MMP17: variants seen among roughly 807,000 people sequenced by gnomAD.
MMP17 encodes the protein matrix metalloproteinase-17.
MMP17 carries 54 observed loss-of-function variants against 49.1 expected under a neutral mutation model. That is an observed-to-expected ratio of 1.10 (90% CI 0.88 to 1.38). The LOEUF (loss-of-function observed/expected upper bound fraction) is 1.38. Ranked by LOEUF, MMP17 falls within the 40% of genes most tolerant of loss-of-function variation. The probability of loss-of-function intolerance (pLI) is 0.00; values close to 1 mark genes in which losing one functional copy is unlikely to be tolerated. For synonymous variants in MMP17, 397 were observed against 383.1 expected, an observed-to-expected ratio of 1.04 and a Z score of -0.42; for missense variants, 837 against 853.7, an observed-to-expected ratio of 0.98 and a Z score of 0.24.
chr12:131,844,937 G>GTATCATT, intron 6 of MMP17, 181 bp from the exon 7 acceptor site: 1 of 411,064 alleles, frequency 2.4e-6, no homozygotes, highest in Non-Finnish European at 4.2e-6. Flanking sequence ...GCCCCCGCCC[G>GTATCATT]CTGAAGCGGT....
In MMP17 at chr12:131,851,583, G is replaced by A. The variant is rs1021472384; in HGVS notation, c.*309G>A. 3 of 335,234 alleles carry A rather than the reference G, an allele frequency of 8.9e-6. No individual in the cohort carries two copies. The highest frequency in any genetic ancestry group is 1.6e-5 in the Non-Finnish European group (3 of 184,784). 20.8% of individuals were successfully genotyped at this position (335,234 alleles called of 1,614,324 possible). On this transcript the variant is annotated 3_prime_UTR_variant, in exon 10 of 10. Transcript: ENST00000360564. The stretch of plus-strand genomic sequence containing the variant: ...CTGGAGGGAGCATCTCGGGCTGGGG[G>A]CCCACCCCTCTCTGTGCCGGCGCCA...
intron 1 of MMP17, 130 bp from the exon 2 acceptor site, chr12:131,838,065 G>A: frequency 8.5e-7 from 1 of 1,175,922 alleles, no homozygotes; most frequent in Non-Finnish European, 1.2e-6. Flanking sequence ...GAAGAGACAA[G>A]AGGTGCCTTG....
intron 8 of MMP17, among the ~76,000 whole-genome samples, chr12:131,847,822 C>T (rs1353107004): frequency 2.0e-5 from 3 of 152,214 alleles, no homozygotes; most frequent in Non-Finnish European, 4.4e-5. Context: ...GGTCACCTGC[C>T]AGGAGAGACT....
At position 131,844,071 on chromosome 12, in the gene MMP17, T is replaced by A; in HGVS notation, c.958T>A (p.Ser320Thr). ...PLLPEPPDNRSSAPPRKDVPH... is the reference protein window; with the variant it reads ...PLLPEPPDNRTSAPPRKDVPH... ...GCTGCCGGAGCCCCCAGACAACCGGTCCAGCGCCCCGTAAGCCCTGGGCCC... is the reference window on the plus strand; with the variant it reads ...GCTGCCGGAGCCCCCAGACAACCGGACCAGCGCCCCGTAAGCCCTGGGCCC... Residue 320 changes from serine (S) to threonine (T), a missense_variant, in exon 6 of 10, where the codon TCC (serine) becomes ACC (threonine). Coordinates refer to ENST00000360564, the MANE Select transcript of MMP17 (RefSeq NM_016155.7). 1.3e-6 allele frequency: 2 copies of A among 1,561,108 alleles called. No homozygotes were observed. Among genetic ancestry groups the A allele is most frequent in the South Asian group, 2.3e-5 (2 of 85,352 alleles).
chr12:131,830,520 C>T (rs1183224374), intron 1 of MMP17, among the ~76,000 whole-genome samples: 1 of 152,250 alleles, frequency 6.6e-6, no homozygotes, highest in Non-Finnish European at 1.5e-5. Flanking sequence ...CCTCTGCTGG[C>T]CCTCGGGGAA....
At chr12:131,833,222 A>C (rs112222406) in intron 1 of MMP17, among the ~76,000 whole-genome samples, 2 of 152,374 alleles carry the variant, frequency 1.3e-5, no homozygotes, top group Non-Finnish European at 2.9e-5. Context: ...GCAGTGCCTG[A>C]GGGACATGGG....
In MMP17 at chr12:131,840,742, T is replaced by C. The variant is rs760785478; in HGVS notation, c.592T>C (p.Tyr198His). The change falls in exon 4 of 10, where the codon TAC becomes CAC. Residue 198 changes from tyrosine (Y) to histidine (H), a missense_variant. Physicochemically the swap from Tyr to His is moderately conservative, Grantham distance 83. Coordinates refer to ENST00000360564, the MANE Select transcript of MMP17 (RefSeq NM_016155.7). Reference sequence around the variant, plus strand: ...CTCCAAGGCCGACCATAACGACGGCTACCCCTTCGACGGCCCCGGCGGCAC... The same window carrying C: ...CTCCAAGGCCGACCATAACGACGGCCACCCCTTCGACGGCCCCGGCGGCAC... ...DFSKADHNDG[Y>H]PFDGPGGTVA... 6.2e-7 allele frequency: 1 copy of C among 1,604,414 alleles called. No homozygotes were observed. The highest frequency in any genetic ancestry group is 2.2e-5 in the East Asian group (1 of 44,866).
chr12:131,830,325 C>T (rs1427250351), intron 1 of MMP17, among the ~76,000 whole-genome samples: 1 of 152,126 alleles, frequency 6.6e-6, no homozygotes, highest in Non-Finnish European at 1.5e-5. Flanking sequence ...CCTGCGACAG[C>T]ACCGAGCGGA....
rs1887423450 is a variant in MMP17 at position 131,841,740 on chromosome 12, G to A, written c.823G>A (p.Gly275Ser). ...GCGGCCGTACTACCAGGGCCCGGTG[G>A]GTGACCCGCTGCGCTACGGGCTCCC... ...IMRPYYQGPV[G>S]DPLRYGLPYE... Residue 275 changes from glycine to serine, a missense_variant, in exon 5 of 10, where the codon GGT (glycine) becomes AGT (serine). Gly to Ser is a moderately conservative substitution (Grantham distance 56, BLOSUM62 0). Coordinates refer to ENST00000360564, the MANE Select transcript of MMP17 (RefSeq NM_016155.7). 2 of 1,613,362 alleles carry A rather than the reference G, an allele frequency of 1.2e-6. No individual in the cohort carries two copies. The highest frequency in any genetic ancestry group is 1.7e-5 in the Admixed American group (1 of 59,998).
Position 131,846,287 on chromosome 12 carries a change from C to G in MMP17, c.1204+838C>G, listed in dbSNP as rs1035773862. Among the ~76,000 whole-genome samples, 1 of 152,210 alleles carries G rather than the reference C, an allele frequency of 6.6e-6. No homozygotes were observed. The highest frequency in any genetic ancestry group is 1.5e-5 in the Non-Finnish European group (1 of 68,038). ...CCTCCTGCCACCGCCTCTGTCTCCA[C>G]CCGGCCGTCTCCTCCCCCATCTCCG... On this transcript the variant is annotated intron_variant, in intron 8 of 9. Coordinates refer to ENST00000360564, the MANE Select transcript of MMP17 (RefSeq NM_016155.7). The surrounding 1 kb of genome is among the most constrained non-coding windows in gnomAD (Gnocchi z 4.6).
At chr12:131,837,514 C>T (rs1887141531) in intron 1 of MMP17, among the ~76,000 whole-genome samples, 1 of 152,154 alleles carries the variant, frequency 6.6e-6, no homozygotes, top group South Asian at 2.1e-4. Context: ...AGCTGGGGTC[C>T]CAGACCTTGG....
intron 6 of MMP17, chr12:131,844,415 G>GTATC (rs1328004137): frequency 2.6e-6 from 1 of 382,112 alleles, no homozygotes; most frequent in Non-Finnish European, 4.7e-6. Flanking sequence ...GGGCCTGCGA[G>GTATC]TGTCTGGCCT....
intron 2 of MMP17, 26 bp downstream of exon 2, chr12:131,838,353 G>A: frequency 6.2e-7 from 1 of 1,609,286 alleles, no homozygotes; most frequent in Non-Finnish European, 8.5e-7. Flanking sequence ...GGCAGCGGGA[G>A]CGCCGTGGCC....
In MMP17 at chr12:131,851,317, C is replaced by CCT; in HGVS notation, c.*44_*45dup. 7.4e-7 allele frequency: 1 copy of CCT among 1,351,714 alleles called. No homozygotes were observed. Among genetic ancestry groups the CCT allele is most frequent in the Non-Finnish European group, 9.5e-7 (1 of 1,048,342 alleles). The allele number at this position is 1,351,714 out of a possible 1,614,324, so 83.7% of individuals were successfully genotyped here. A position where few individuals can be genotyped will look rare whatever the true frequency, so the allele number is the denominator to read the frequency against. On this transcript the variant is annotated 3_prime_UTR_variant, in exon 10 of 10. Coordinates refer to ENST00000360564, the MANE Select transcript of MMP17 (RefSeq NM_016155.7). The stretch of plus-strand genomic sequence containing the variant: ...TGAGAGGACAGAGGCGGTGGGACAG[C>CCT]CTGGCCACAGAGGGCAAGGACTGTG...
intron 4 of MMP17, among the ~76,000 whole-genome samples, chr12:131,841,230 C>T (rs1354647090): frequency 1.3e-5 from 2 of 152,242 alleles, no homozygotes; most frequent in Non-Finnish European, 2.9e-5. Flanking sequence ...TGGACTGTAG[C>T]CTTGGGAACC....
intron 1 of MMP17, among the ~76,000 whole-genome samples, chr12:131,833,933 C>T (rs1045464204): frequency 3.9e-5 from 6 of 152,266 alleles, no homozygotes; most frequent in Non-Finnish European, 8.8e-5. Context: ...TCCCTAAAAA[C>T]CGTCAAAGGG....
chr12:131,829,262 G>C (rs569745925), intron 1 of MMP17, among the ~76,000 whole-genome samples: 1 of 152,278 alleles, frequency 6.6e-6, no homozygotes, highest in East Asian at 1.9e-4. Flanking sequence ...GCCTTGCCCT[G>C]GTACAGTGCT....
rs569753641 is a variant in MMP17 at position 131,834,695 on chromosome 12, G to T, written c.160-3500G>T. On this transcript the variant is annotated intron_variant, in intron 1 of 9. Transcript: ENST00000360564. The stretch of plus-strand genomic sequence containing the variant: ...TTTGCCCTGAGCTGCTGGCTGCAGT[G>T]GGGGGGTTTGCCCCAGGACTGTGCT... Among the ~76,000 whole-genome samples the T allele has an allele frequency of 4.6e-5, 7 of 152,122 alleles. No individual in the cohort carries two copies. In the East Asian group the frequency reaches 7.7e-4, roughly 17 times the overall value.
rs529282792 is a variant in MMP17 at position 131,841,628 on chromosome 12, C to T, written c.711C>T (p.Ala237=). The change falls in exon 5 of 10, where the codon GCC becomes GCT. Residue 237 remains alanine (A), a synonymous_variant. Coordinates refer to ENST00000360564, the MANE Select transcript of MMP17 (RefSeq NM_016155.7). The stretch of plus-strand genomic sequence containing the variant: ...CATGGCTCCCTGTGTCCCCAGATGC[C>T]CACGGGATGGACCTGTTTGCAGTGG... ...DEAWTFRSSD[A]HGMDLFAVAV... 5 of 1,614,004 alleles carry T rather than the reference C, an allele frequency of 3.1e-6. No individual in the cohort carries two copies. In the South Asian group the frequency reaches 5.5e-5, roughly 18 times the overall value.
Sources: gnomAD v4.1 joint callset for allele counts (sites outside exome capture counted in the v4.1 genomes callset) on GRCh38, gnomAD v4.1.1 for gene constraint, Gnocchi (gnomAD v3.1) non-coding constraint, MANE v1.5 for transcripts, NCBI Gene and HGNC (gene_info 2026-07-23, HGNC 2026-07-21) for gene names.